Variants in FRMPD4 observed in about 807,000 individuals in gnomAD.
FRMPD4 encodes FERM and PDZ domain-containing protein 4.
A neutral mutation model predicts 94.1 loss-of-function variants in FRMPD4; 22 were observed. The ratio of observed to expected loss-of-function variants is 0.23; its 90% confidence interval spans 0.17 to 0.33. The LOEUF (loss-of-function observed/expected upper bound fraction) is 0.33. FRMPD4 is among the 10% of genes least tolerant of loss of function. The probability of loss-of-function intolerance (pLI) is 1.00; values close to 1 mark genes in which losing one functional copy is unlikely to be tolerated. For missense variants in FRMPD4, 1,111 were observed against 1,339.9 expected, an observed-to-expected ratio of 0.83 and a Z score of 2.67; for synonymous variants, 631 against 548.6, an observed-to-expected ratio of 1.15 and a Z score of -2.10.
intron 3 of FRMPD4, among the ~76,000 whole-genome samples, chrX:11,987,093 C>A: frequency 3.8e-5 from 1 of 26,081 alleles, no homozygotes; most frequent in Non-Finnish European, 6.1e-5. Context: ...CAGGCAAAGA[C>A]ACATTAAAAA....
At chrX:11,922,094 G>A (rs1485210161) in intron 3 of FRMPD4, among the ~76,000 whole-genome samples, 3 of 111,761 alleles carry the variant, frequency 2.7e-5, no homozygotes, top group African/African-American at 9.8e-5. Flanking sequence ...CTTAAATGCA[G>A]GGTGTATTAG....
At chrX:12,451,875 T>C (rs1167923607) in intron 1 of FRMPD4, among the ~76,000 whole-genome samples, 1 of 110,520 alleles carries the variant, frequency 9.0e-6, no homozygotes, top group Admixed American at 9.7e-5. Context: ...TTTTCTGAGT[T>C]CACTTCTCAC....
chrX:12,001,957 T>C (rs2054526994), intron 3 of FRMPD4, among the ~76,000 whole-genome samples: 1 of 111,930 alleles, frequency 8.9e-6, no homozygotes, highest in Non-Finnish European at 1.9e-5. Flanking sequence ...TGTCTGTGTG[T>C]AATCAGAATC....
intron 1 of FRMPD4, among the ~76,000 whole-genome samples, chrX:12,493,342 A>G (rs1374213291): frequency 9.0e-6 from 1 of 111,711 alleles, no homozygotes; most frequent in Non-Finnish European, 1.9e-5. Flanking sequence ...TAGTCTGAAA[A>G]TAATCTTTGT....
At chrX:12,092,126 C>T (rs1343717217) in intron 3 of FRMPD4, among the ~76,000 whole-genome samples, 1 of 111,779 alleles carries the variant, frequency 8.9e-6, no homozygotes, top group Non-Finnish European at 1.9e-5. Flanking sequence ...TGCCTACATC[C>T]AAAACCTGGA....
At chrX:12,408,926 C>A (rs747203828) in intron 1 of FRMPD4, among the ~76,000 whole-genome samples, 34 of 110,755 alleles carry the variant, frequency 3.1e-4, no homozygotes, top group African/African-American at 1.1e-3. Context: ...GAGAGAATAT[C>A]CCCCCCTTGG....
intron 1 of FRMPD4, among the ~76,000 whole-genome samples, chrX:12,349,586 C>T (rs949090779): frequency 3.6e-5 from 4 of 111,096 alleles, no homozygotes; most frequent in African/African-American, 1.3e-4. Context: ...ACATTTATGA[C>T]GTCTCTTGAA....
In FRMPD4 at chrX:12,193,805, AGGAAGGAAGGAAGGAAGGAAGGAGGG is replaced by A. The variant is rs1569186591; in HGVS notation, c.41+54794_41+54819del. Among the ~76,000 whole-genome samples, 19 of 29,075 alleles carry A rather than the reference AGGAAGGAAGGAAGGAAGGAAGGAGGG, an allele frequency of 6.5e-4. 4 individuals carry two copies. The highest frequency in any genetic ancestry group is 4.2e-3 in the African/African-American group (19 of 4,485). The allele number at this position is 29,075 out of a possible 115,157, so 25.2% of individuals were successfully genotyped here. ...AAGGAAGGAAGGAAGGAAGGAAGGA[AGGAAGGAAGGAAGGAAGGAAGGAGGG>A]AAGGAAGAAAGAAAAGAAAGAAAAA... On this transcript the variant is annotated intron_variant, in intron 1 of 16. Coordinates refer to ENST00000675598, the MANE Select transcript of FRMPD4 (RefSeq NM_001368397.1).
chrX:12,392,676 G>T (rs1432708467), intron 1 of FRMPD4, among the ~76,000 whole-genome samples: 1 of 89,293 alleles, frequency 1.1e-5, no homozygotes, highest in Non-Finnish European at 2.1e-5. Flanking sequence ...GGAGCCACAT[G>T]TGACTAATGG....
intron 3 of FRMPD4, among the ~76,000 whole-genome samples, chrX:12,073,992 A>G (rs2054991659): frequency 9.0e-6 from 1 of 111,667 alleles, no homozygotes; most frequent in Admixed American, 9.5e-5. Context: ...CTATTGATTT[A>G]CCTATCTGTT....
intron 1 of FRMPD4, among the ~76,000 whole-genome samples, chrX:12,226,446 A>G (rs1488507376): frequency 1.8e-5 from 2 of 111,730 alleles, no homozygotes; most frequent in Admixed American, 9.5e-5. Context: ...TAACTTCATA[A>G]TCTGCATTTA....
rs755382499 is a variant in FRMPD4, at chrX:12,559,043, A to G, written c.159-50678A>G. On this transcript the variant is annotated intron_variant, in intron 2 of 16. Transcript: ENST00000675598. ...AAGTGTCAGACCTTCCTATTTTGAA[A>G]CTGCCAAAATTTGCCTACCCATTAC... Among the ~76,000 whole-genome samples the G allele has an allele frequency of 4.4e-5, 5 of 112,386 alleles. No homozygotes were observed. In the South Asian group the frequency reaches 1.8e-3, roughly 42 times the overall value.
chrX:12,299,551 T>C (rs911326369), intron 1 of FRMPD4, among the ~76,000 whole-genome samples: 12 of 105,023 alleles, frequency 1.1e-4, no homozygotes, highest in Admixed American at 2.1e-4. Context: ...CTGGAAGTTA[T>C]TTTTCTCTAG....
intron 1 of FRMPD4, among the ~76,000 whole-genome samples, chrX:11,843,631 C>T (rs1012323845): frequency 9.1e-6 from 1 of 110,386 alleles, no homozygotes; most frequent in Non-Finnish European, 1.9e-5. Flanking sequence ...GAGTATAGTT[C>T]GCTGTAACCT....
chrX:12,386,370 G>A (rs780773737), intron 1 of FRMPD4, among the ~76,000 whole-genome samples: 1 of 112,282 alleles, frequency 8.9e-6, no homozygotes, highest in South Asian at 3.7e-4. Flanking sequence ...GAAAATTTAT[G>A]AGCAGCCAAG....
At chrX:12,389,855 A>G (rs745635201) in intron 1 of FRMPD4, among the ~76,000 whole-genome samples, 5 of 111,757 alleles carry the variant, frequency 4.5e-5, no homozygotes, top group Non-Finnish European at 9.4e-5. Context: ...TTGCAAGACA[A>G]ACAATCGCAT....
intron 3 of FRMPD4, among the ~76,000 whole-genome samples, chrX:12,020,558 C>A (rs2054627264): frequency 9.0e-6 from 1 of 111,672 alleles, no homozygotes; most frequent in South Asian, 3.8e-4. Context: ...ATGAGCCAGG[C>A]CTGGAAATGG....
chrX:12,560,105 AT>A (rs1259415361), intron 2 of FRMPD4, among the ~76,000 whole-genome samples: 1 of 112,285 alleles, frequency 8.9e-6, no homozygotes, highest in Non-Finnish European at 1.9e-5. Flanking sequence ...ACAATAAAAT[AT>A]TAGACATTAT....
At chrX:11,862,996 C>CT (rs200591617) in intron 1 of FRMPD4, among the ~76,000 whole-genome samples, 9,038 of 63,681 alleles carry the variant, frequency 0.14, 894 homozygotes, top group African/African-American at 0.3. Context: ...GCATCTCTCT[C>CT]TCTTTTTTTT....
Sources: gnomAD v4.1 joint callset for allele counts (sites outside exome capture counted in the v4.1 genomes callset) on GRCh38, gnomAD v4.1.1 for gene constraint, MANE v1.5 for transcripts, NCBI Gene and HGNC (gene_info 2026-07-23, HGNC 2026-07-21) for gene names.